The following DLG2 variants were observed in gnomAD, a reference collection of about 807,000 sequenced individuals.
DLG2 encodes the protein disks large homolog 2.
Under a neutral mutation model 132.5 loss-of-function variants are expected in DLG2, and 45 were observed. That is an observed-to-expected ratio of 0.34 (90% CI 0.27 to 0.44). DLG2 has a LOEUF of 0.44. Among genes scored for constraint, DLG2 ranks in the 20% least tolerant of loss-of-function variants. The probability of loss-of-function intolerance (pLI) is 1.00; values close to 1 mark genes in which losing one functional copy is unlikely to be tolerated. For synonymous variants in DLG2, 424 were observed against 419.6 expected (o/e 1.01, Z -0.13); for missense variants, 1,045 against 1,196.9 (o/e 0.87, Z 1.87).
intron 6 of DLG2, among the ~76,000 whole-genome samples, chr11:84,596,801 AC>A (rs1430826578): frequency 6.6e-6 from 1 of 152,186 alleles, no homozygotes; most frequent in African/African-American, 2.4e-5. Flanking sequence ...TGAACTGTTA[AC>A]TTAATTGTAC....
chr11:84,278,932 C>T (rs1478676322), intron 7 of DLG2, among the ~76,000 whole-genome samples: 1 of 151,976 alleles, frequency 6.6e-6, no homozygotes, highest in Non-Finnish European at 1.5e-5. Context: ...GTCACAAAAA[C>T]ACCAAAAGTA....
chr11:84,580,629 T>C (rs1230768613), intron 6 of DLG2, among the ~76,000 whole-genome samples: 1 of 152,208 alleles, frequency 6.6e-6, no homozygotes, highest in Non-Finnish European at 1.5e-5. Flanking sequence ...CTAATTCAGC[T>C]CTGTCTCCTC....
chr11:84,790,236 T>A (rs942941472), intron 6 of DLG2, among the ~76,000 whole-genome samples: 2 of 152,322 alleles, frequency 1.3e-5, no homozygotes, highest in South Asian at 4.1e-4. Flanking sequence ...CCACTGATCC[T>A]CTCCAGCATT....
At chr11:84,444,031 A>G (rs2099025431) in intron 7 of DLG2, among the ~76,000 whole-genome samples, 2 of 149,598 alleles carry the variant, frequency 1.3e-5, no homozygotes, top group African/African-American at 5.0e-5. Flanking sequence ...TTTAATTTAC[A>G]GTGAAAGGAA....
intron 19 of DLG2, among the ~76,000 whole-genome samples, chr11:83,612,767 TGCAGATTGAAGAA>T (rs1479554939): frequency 3.4e-4 from 51 of 152,222 alleles, no homozygotes; most frequent in African/African-American, 1.1e-3. Flanking sequence ...AGAGACAGTA[TGCAGATTGAAGAA>T]AGGGCCTGTG....
chr11:83,699,495 G>C (rs1448976248), intron 18 of DLG2, among the ~76,000 whole-genome samples: 1 of 149,968 alleles, frequency 6.7e-6, no homozygotes, highest in Non-Finnish European at 1.5e-5. Context: ...AGGAGATCGA[G>C]ACCATCCTGG....
chr11:84,517,674 G>GTTGAAGATAAATAAAGCTA lies in DLG2; in HGVS notation c.519+16895_519+16896insTAGCTTTATTTATCTTCAA, dbSNP rs1554988545. ...TATATAGCCAGAGTAAATAAAGTCA[G>GTTGAAGATAAATAAAGCTA]TATGTTGAAGATATAGCTGCACTCC... On this transcript the variant is annotated intron_variant, in intron 7 of 27. Coordinates refer to ENST00000376104, the MANE Select transcript of DLG2 (RefSeq NM_001142699.3). Among the ~76,000 whole-genome samples the GTTGAAGATAAATAAAGCTA allele has an allele frequency of 2.0e-5, 3 of 152,038 alleles. No homozygotes were observed. The East Asian group carries it at 5.8e-4, about 29-fold the overall frequency.
At chr11:85,435,690 T>C (rs897607003) in intron 3 of DLG2, among the ~76,000 whole-genome samples, 3 of 152,202 alleles carry the variant, frequency 2.0e-5, no homozygotes, top group Non-Finnish European at 4.4e-5. Context: ...AAACATTCCA[T>C]GCTCATGGAT....
At chr11:84,055,988 T>C (rs997696878) in intron 11 of DLG2, among the ~76,000 whole-genome samples, 1 of 152,146 alleles carries the variant, frequency 6.6e-6, no homozygotes, top group East Asian at 1.9e-4. Flanking sequence ...GTTAGCTCAG[T>C]TGGCTACATT....
chr11:84,228,276 T>C (rs1159235258), intron 8 of DLG2, among the ~76,000 whole-genome samples: 2 of 152,228 alleles, frequency 1.3e-5, no homozygotes, highest in East Asian at 1.9e-4. Context: ...GCATTGGTCA[T>C]GGACTTACTA....
At chr11:84,648,399 G>A (rs1319364392) in intron 6 of DLG2, among the ~76,000 whole-genome samples, 1 of 152,172 alleles carries the variant, frequency 6.6e-6, no homozygotes, top group Non-Finnish European at 1.5e-5. Flanking sequence ...GTCTAATACA[G>A]AGATGCAAGT....
rs567328512 is a variant in DLG2, at chr11:84,293,193, C to A, written c.520-41902G>T. Among the ~76,000 whole-genome samples, 9 of 151,950 alleles carry A rather than the reference C, an allele frequency of 5.9e-5. No homozygotes were observed. In the East Asian group the frequency reaches 1.7e-3, roughly 29 times the overall value. On this transcript the variant is annotated intron_variant, in intron 7 of 27. Transcript: ENST00000376104. ...GTGTGTGTTGGAAGTATTCTGGCAG[C>A]TTTAGGTGGATAGATTTTGTGGTGC... is the stretch of plus-strand genomic sequence containing the variant.
At chr11:84,506,034 G>T (rs531661848) in intron 7 of DLG2, among the ~76,000 whole-genome samples, 2 of 150,858 alleles carry the variant, frequency 1.3e-5, no homozygotes, top group Admixed American at 1.3e-4. Flanking sequence ...GCGAGTTTAC[G>T]CTGGGTTACA....
chr11:85,185,424 C>T (rs180796842), intron 4 of DLG2, among the ~76,000 whole-genome samples: 181 of 152,028 alleles, frequency 1.2e-3, no homozygotes, highest in African/African-American at 3.7e-3. Context: ...AATTTATGCA[C>T]GCACACTTTT....
intron 6 of DLG2, among the ~76,000 whole-genome samples, chr11:84,695,598 C>T (rs1056783166): frequency 6.6e-6 from 1 of 151,450 alleles, no homozygotes; most frequent in Non-Finnish European, 1.5e-5. Flanking sequence ...GAACATTTTG[C>T]ATGGAATGGT....
intron 7 of DLG2, among the ~76,000 whole-genome samples, chr11:84,298,457 C>T (rs1392811453): frequency 6.6e-6 from 1 of 152,178 alleles, no homozygotes; most frequent in Non-Finnish European, 1.5e-5. Context: ...GCGACCCCGC[C>T]TTGCCAAATA....
At chr11:84,841,012 A>T (rs1033780787) in intron 6 of DLG2, among the ~76,000 whole-genome samples, 2 of 151,692 alleles carry the variant, frequency 1.3e-5, no homozygotes, top group Admixed American at 6.6e-5. Context: ...AAATAGTAAA[A>T]AAAAAAATGG....
chr11:83,733,240 CAAAAA>C (rs71066061), intron 18 of DLG2, among the ~76,000 whole-genome samples: 464 of 46,230 alleles, frequency 0.01, 2 homozygotes, highest in Middle Eastern at 0.019. Context: ...GACCCCATCT[CAAAAA>C]AAAAAAAAAA....
At chr11:83,848,326 T>C (rs981422088) in intron 16 of DLG2, among the ~76,000 whole-genome samples, 2 of 152,180 alleles carry the variant, frequency 1.3e-5, no homozygotes, top group Non-Finnish European at 2.9e-5. Flanking sequence ...CAGATATTTT[T>C]TGAATAAATT....
Sources: allele counts gnomAD v4.1 joint callset (sites outside exome capture counted in the v4.1 genomes callset), GRCh38; gene constraint gnomAD v4.1.1; transcripts MANE v1.5; gene names NCBI Gene and HGNC (gene_info 2026-07-23, HGNC 2026-07-21).